The following CTSD variants were observed in gnomAD, a reference collection of about 807,000 sequenced individuals.
CTSD encodes ceroid-lipofuscinosis, neuronal 10.
Under a neutral mutation model 43.6 loss-of-function variants are expected in CTSD, and 28 were observed. That is an observed-to-expected ratio of 0.64 (90% CI 0.48 to 0.88). The LOEUF is 0.88. Among genes scored for constraint, CTSD ranks in the 40% least tolerant of loss-of-function variants. CTSD has a pLI of 0.00. For missense variants in CTSD, 485 were observed against 555.2 expected, an observed-to-expected ratio of 0.87 and a Z score of 1.27; for synonymous variants, 270 against 249.8, an observed-to-expected ratio of 1.08 and a Z score of -0.76.
chr11:1,759,003 C>A lies in CTSD; in HGVS notation c.437G>T (p.Ser146Ile), dbSNP rs911813557. 1 of 1,613,786 alleles carries A rather than the reference C, an allele frequency of 6.2e-7. No homozygotes were observed. Among genetic ancestry groups the A allele is most frequent in the Non-Finnish European group, 8.5e-7 (1 of 1,179,702 alleles). ...GTCCTGGCTCAGGTACCCGGAGAGG[C>A]TGCCCGAGCCATAGTGGATGTCAAA... ...TSFDIHYGSG[S>I]LSGYLSQDTV... The change falls in exon 4 of 9, where the codon AGC becomes ATC. Residue 146 changes from serine to isoleucine, a missense_variant. Coordinates refer to ENST00000236671, the MANE Select transcript of CTSD (RefSeq NM_001909.5).
At position 1,763,796 on chromosome 11, in the gene CTSD, C is replaced by T. The variant is rs1060502503; in HGVS notation, c.64G>A (p.Val22Ile). ...CCCCGGCCCCTGAGGCTTCACCTGA[C>T]GAGCGCGGAGGCGGGTGCAGCCAGC... ...CLLAAPASAL[V>I]RIPLHKFTSI... Residue 22 changes from valine to isoleucine, a missense_variant, in exon 1 of 9, where the codon GTC becomes ATC. Val to Ile is a conservative substitution (Grantham distance 29). Coordinates refer to ENST00000236671, the MANE Select transcript of CTSD (RefSeq NM_001909.5). 9 of 1,525,682 alleles carry T rather than the reference C, an allele frequency of 5.9e-6. No individual in the cohort carries two copies. The highest frequency in any genetic ancestry group is 7.9e-6 in the Non-Finnish European group (9 of 1,142,764). The allele number at this position is 1,525,682 out of a possible 1,614,324, so 94.5% of individuals were successfully genotyped here.
intron 6 of CTSD, among the ~76,000 whole-genome samples, chr11:1,754,524 A>AGGGTCATGGAGAGTCACAGAGGGATGT (rs1845779012): frequency 7.1e-5 from 1 of 14,058 alleles, no homozygotes; most frequent in Non-Finnish European, 1.3e-4. Flanking sequence ...GGAGGGATGG[A>AGGGTCATGGAGAGTCACAGAGGGATGT]GGGGATGGAG....
rs774691757 is a variant in CTSD, at chr11:1,755,004, A to G, written c.729T>C (p.Gly243=). 1.2e-6 allele frequency: 2 copies of G among 1,613,756 alleles called. No homozygotes were observed. The highest frequency in any genetic ancestry group is 3.3e-5 in the Admixed American group (2 of 59,992). ...AGTCTGTGCCACCCAGCATCAGCTC[A>G]CCCCCAGGCTGCGCATCTGGGTCCC... ...LSRDPDAQPG[G]ELMLGGTDSK... is the part of the protein sequence containing the mutation. The change falls in exon 6 of 9, where the codon GGT becomes GGC. Residue 243 remains glycine, a synonymous_variant. Coordinates refer to ENST00000236671, the MANE Select transcript of CTSD (RefSeq NM_001909.5).
chr11:1,753,395 AG>A lies in CTSD; in HGVS notation c.*107del. The A allele has an allele frequency of 7.3e-7, 1 of 1,363,612 alleles. No individual in the cohort carries two copies. Among genetic ancestry groups the A allele is most frequent in the South Asian group, 1.2e-5 (1 of 85,526 alleles). 84.5% of individuals were successfully genotyped at this position (1,363,612 alleles called of 1,614,324 possible). A position where few individuals can be genotyped will look rare whatever the true frequency, so the allele number is the denominator to read the frequency against. ...CGCCGGCTTCCAGGGCGCCCAGGAC[AG>A]TGGGCGGGCGAGTGTGTGGGTGTGT... On this transcript the variant is annotated 3_prime_UTR_variant, in exon 9 of 9. Coordinates refer to ENST00000236671, the MANE Select transcript of CTSD (RefSeq NM_001909.5).
chr11:1,754,668 A>ATG, intron 6 of CTSD, among the ~76,000 whole-genome samples: 1 of 138,430 alleles, frequency 7.2e-6, no homozygotes, highest in East Asian at 2.4e-4. Context: ...GGAGAGTCAC[A>ATG]GAGGCATGGA....
chr11:1,758,431 T>C (rs1423807367), intron 4 of CTSD, among the ~76,000 whole-genome samples: 1 of 152,094 alleles, frequency 6.6e-6, no homozygotes. Context: ...GCTCACCCTC[T>C]CCTAGGGCAG....
rs1428554181 is a variant in CTSD at position 1,757,404 on chromosome 11, G to A, written c.624C>T (p.Val208=). The A allele has an allele frequency of 6.2e-7, 1 of 1,614,050 alleles. No homozygotes were observed. The highest frequency in any genetic ancestry group is 8.5e-7 in the Non-Finnish European group (1 of 1,180,050). Residue 208 remains valine (V), a synonymous_variant, in exon 5 of 9, where the codon GTC becomes GTT. Coordinates refer to ENST00000236671, the MANE Select transcript of CTSD (RefSeq NM_001909.5). The part of the protein sequence containing the change: ...ILGMAYPRIS[V]NNVLPVFDNL... ...TGTCGAAGACGGGCAGCACGTTGTT[G>A]ACGGAGATGCGGGGGTAGGCCATGC...
At chr11:1,759,450 G>A (rs2133664037) in intron 3 of CTSD, 66 bp downstream of exon 3, 1 of 1,604,760 alleles carries the variant, frequency 6.2e-7, no homozygotes, top group Non-Finnish European at 8.5e-7. Context: ...TGATTCCTGA[G>A]GCAGCCCTGC....
Position 1,753,413 on chromosome 11 carries a change from T to C in CTSD, c.*90A>G. 1 of 1,472,134 alleles carries C rather than the reference T, an allele frequency of 6.8e-7. No individual in the cohort carries two copies. Among genetic ancestry groups the C allele is most frequent in the Non-Finnish European group, 9.5e-7 (1 of 1,053,718 alleles). 91.2% of individuals were successfully genotyped at this position (1,472,134 alleles called of 1,614,324 possible). On this transcript the variant is annotated 3_prime_UTR_variant, in exon 9 of 9. Coordinates refer to ENST00000236671, the MANE Select transcript of CTSD (RefSeq NM_001909.5). ...CCAGGACAGTGGGCGGGCGAGTGTGTGGGTGTGTGTGGGAGGGGCCGCTGG... is the reference window on the plus strand; with the variant it reads ...CCAGGACAGTGGGCGGGCGAGTGTGCGGGTGTGTGTGGGAGGGGCCGCTGG...
intron 3 of CTSD, 152 bp from the exon 4 acceptor site, chr11:1,759,239 T>A (rs1403504280): frequency 4.6e-6 from 4 of 871,580 alleles, no homozygotes; most frequent in Non-Finnish European, 7.7e-6. Flanking sequence ...CCCACCATCA[T>A]GCCAGAGCCC....
At chr11:1,756,029 C>T (rs1845805121) in intron 5 of CTSD, among the ~76,000 whole-genome samples, 1 of 151,954 alleles carries the variant, frequency 6.6e-6, no homozygotes, top group African/African-American at 2.4e-5. Flanking sequence ...CCTCCCCCAC[C>T]TGGGCACTCA....
rs1845763271 is a variant in CTSD, at chr11:1,754,025, G to A, written c.941C>T (p.Ala314Val). The change falls in exon 7 of 9, where the codon GCC (alanine) becomes GTC (valine). Residue 314 changes from alanine to valine, a missense_variant. Ala to Val is a moderately conservative substitution (Grantham distance 64, BLOSUM62 0). Coordinates refer to ENST00000236671, the MANE Select transcript of CTSD (RefSeq NM_001909.5). ...CTGAATCAGCGGCACGGCCCCGATG[G>A]CCTTCTGCAGCTCGCGCACCTCATC... ...PVDEVRELQK[A>V]IGAVPLIQGE... 3 of 1,608,878 alleles carry A rather than the reference G, an allele frequency of 1.9e-6. No homozygotes were observed. The highest frequency in any genetic ancestry group is 1.7e-6 in the Non-Finnish European group (2 of 1,178,496).
At chr11:1,758,788 C>A (rs1845839427) in intron 4 of CTSD, among the ~76,000 whole-genome samples, 181 bp downstream of exon 4, 1 of 152,278 alleles carries the variant, frequency 6.6e-6, no homozygotes, top group Admixed American at 6.5e-5. Context: ...GCTGTCCCTC[C>A]AGCCTGCACA....
At chr11:1,755,083 C>A in intron 5 of CTSD, 55 bp from the exon 6 acceptor site, 1 of 1,609,568 alleles carries the variant, frequency 6.2e-7, no homozygotes, top group Non-Finnish European at 8.5e-7. Flanking sequence ...CACAAGAGTG[C>A]CAGGTCAGGA....
intron 5 of CTSD, among the ~76,000 whole-genome samples, chr11:1,756,265 C>G (rs1287723529): frequency 6.6e-6 from 1 of 152,206 alleles, no homozygotes; most frequent in Non-Finnish European, 1.5e-5. Context: ...CTCAGGGGAC[C>G]CCTTTTCACC....
In CTSD at chr11:1,754,070, G is replaced by A; in HGVS notation, c.896C>T (p.Ser299Phe). The A allele has an allele frequency of 6.2e-7, 1 of 1,611,652 alleles. No homozygotes were observed. The highest frequency in any genetic ancestry group is 8.5e-7 in the Non-Finnish European group (1 of 1,179,698). ...CTCATCCACCGGGCCCACCATGAGG[G>A]AAGTGCCTGTGTCCACAATGGCCTC... ...GCEAIVDTGT[S>F]LMVGPVDEVR... The change falls in exon 7 of 9, where the codon TCC becomes TTC. Residue 299 changes from serine (S) to phenylalanine (F), a missense_variant. Coordinates refer to ENST00000236671, the MANE Select transcript of CTSD (RefSeq NM_001909.5).
chr11:1,757,620 T>C (rs1845825894), intron 4 of CTSD, 64 bp from the exon 5 acceptor site: 1 of 1,364,754 alleles, frequency 7.3e-7, no homozygotes, highest in African/African-American at 1.4e-5. Context: ...TCCCTGAGCA[T>C]GAGGCTACAA....
intron 1 of CTSD, chr11:1,763,529 GTCC>G: frequency 2.1e-6 from 1 of 467,410 alleles, no homozygotes; most frequent in Non-Finnish European, 3.8e-6. Flanking sequence ...TCAGTCTGCA[GTCC>G]TCAAGGTACA....
At chr11:1,759,734 T>C in intron 2 of CTSD, 95 bp from the exon 3 acceptor site, 3 of 1,214,862 alleles carry the variant, frequency 2.5e-6, no homozygotes, top group Non-Finnish European at 3.4e-6. Flanking sequence ...CCAAGGCCCA[T>C]ACTGGAGGGA....
Sources: allele counts gnomAD v4.1 joint callset (sites outside exome capture counted in the v4.1 genomes callset), GRCh38; gene constraint gnomAD v4.1.1; transcripts MANE v1.5; gene names NCBI Gene and HGNC (gene_info 2026-07-23, HGNC 2026-07-21).